AEBP2: variants seen among roughly 807,000 people sequenced by gnomAD.
AEBP2 encodes AE binding protein 2, also known as zinc finger protein AEBP2.
Under a neutral mutation model 50.8 loss-of-function variants are expected in AEBP2, and 10 were observed. That is an observed-to-expected ratio of 0.20 (90% CI 0.12 to 0.33). The LOEUF is 0.33. AEBP2 is among the 10% of genes least tolerant of loss of function. AEBP2 has a pLI of 1.00. For synonymous variants in AEBP2, 296 were observed against 261.3 expected, an observed-to-expected ratio of 1.13 and a Z score of -1.28; for missense variants, 570 against 688.0, an observed-to-expected ratio of 0.83 and a Z score of 1.92.
chr12:19,406,389 A>G (rs2095736283), intron 1 of AEBP2, among the ~76,000 whole-genome samples: 1 of 152,170 alleles, frequency 6.6e-6, no homozygotes, highest in African/African-American at 2.4e-5. Flanking sequence ...TATCATACAA[A>G]ATAGTTTAAC....
intron 1 of AEBP2, among the ~76,000 whole-genome samples, chr12:19,410,011 A>T (rs1469966180): frequency 6.6e-6 from 1 of 152,134 alleles, no homozygotes; most frequent in African/African-American, 2.4e-5. Context: ...CCTGATTTCA[A>T]CCCATAGCTT....
intron 7 of AEBP2, among the ~76,000 whole-genome samples, chr12:19,517,001 C>T (rs1476882005): frequency 6.6e-6 from 1 of 152,128 alleles, no homozygotes; most frequent in Non-Finnish European, 1.5e-5. Flanking sequence ...ACTCCAGCCT[C>T]AGCTACAGAG....
intron 1 of AEBP2, among the ~76,000 whole-genome samples, chr12:19,404,887 A>T (rs2095735356): frequency 1.3e-5 from 2 of 149,830 alleles, no homozygotes; most frequent in African/African-American, 4.9e-5. Flanking sequence ...TTTAGTTTCT[A>T]TAGGGAACCA....
At chr12:19,408,983 G>A (rs200226385) in intron 1 of AEBP2, among the ~76,000 whole-genome samples, 16 of 151,524 alleles carry the variant, frequency 1.1e-4, no homozygotes, top group East Asian at 3.9e-4. Context: ...TTTCTTTTCC[G>A]GAAGATATAT....
chr12:19,476,031 TTA>T (rs1216787889), intron 3 of AEBP2, among the ~76,000 whole-genome samples: 1 of 152,188 alleles, frequency 6.6e-6, no homozygotes, highest in Non-Finnish European at 1.5e-5. Flanking sequence ...AATCTGCTGA[TTA>T]TTTCTTTTTA....
intron 1 of AEBP2, among the ~76,000 whole-genome samples, chr12:19,452,039 C>T (rs1296605304): frequency 6.6e-6 from 1 of 152,088 alleles, no homozygotes; most frequent in African/African-American, 2.4e-5. Context: ...TACAGGCATG[C>T]GCCCCCACAC....
chr12:19,440,575 C>T, intron 1 of AEBP2: 2 of 1,425,686 alleles, frequency 1.4e-6, no homozygotes, highest in Non-Finnish European at 9.2e-7. Flanking sequence ...CAAACCGTTC[C>T]CCCCCAACTC....
In AEBP2 at chr12:19,439,715, A is replaced by C; in HGVS notation, c.16A>C (p.Thr6Pro). 6.6e-7 allele frequency: 1 copy of C among 1,515,304 alleles called. No homozygotes were observed. The highest frequency in any genetic ancestry group is 1.9e-4 in the Middle Eastern group (1 of 5,348). The allele number at this position is 1,515,304 out of a possible 1,614,324, so 93.9% of individuals were successfully genotyped here. A position where few individuals can be genotyped will look rare whatever the true frequency, so the allele number is the denominator to read the frequency against. Residue 6 changes from threonine to proline, a missense_variant, in exon 1 of 8, where the codon ACC (threonine) becomes CCC (proline). Transcript: ENST00000266508. The stretch of plus-strand genomic sequence containing the variant: ...AGGCGCCGCCATGGCCGCCGCTATC[A>C]CCGACATGGCCGACCTGGAGGAGCT... The part of the protein sequence containing the change: MAAAI[T>P]DMADLEELSR...
At chr12:19,428,925 G>A (rs899115172) in intron 1 of AEBP2, among the ~76,000 whole-genome samples, 1 of 152,052 alleles carries the variant, frequency 6.6e-6, no homozygotes, top group African/African-American at 2.4e-5. Context: ...GACTGCTTGA[G>A]CCCAGGAGTT....
chr12:19,476,098 T>A (rs1385592526), intron 3 of AEBP2, among the ~76,000 whole-genome samples: 9 of 152,206 alleles, frequency 5.9e-5, no homozygotes, highest in Admixed American at 5.9e-4. Context: ...TTGTTCTTAT[T>A]GCATTTGCTT....
chr12:19,417,793 G>A (rs576389911), intron 1 of AEBP2, among the ~76,000 whole-genome samples: 1 of 150,036 alleles, frequency 6.7e-6, no homozygotes, highest in African/African-American at 2.5e-5. Context: ...CAATTTCCAC[G>A]TCCTGGGTTC....
At chr12:19,456,069 A>G (rs1181446916) in intron 1 of AEBP2, among the ~76,000 whole-genome samples, 1 of 152,194 alleles carries the variant, frequency 6.6e-6, no homozygotes, top group Non-Finnish European at 1.5e-5. Flanking sequence ...GCCACGCGCA[A>G]AAAAGAAAAC....
At position 19,512,529 on chromosome 12, in the gene AEBP2, ACAC is replaced by A. The variant is rs1250360672; in HGVS notation, c.1367+65_1367+67del. 2.2e-4 allele frequency: 224 copies of A among 1,023,008 alleles called. 1 individual carries two copies. The African/African-American group carries it at 3.3e-3, about 15-fold the overall frequency. The allele number at this position is 1,023,008 out of a possible 1,614,324, so 63.4% of individuals were successfully genotyped here. ...TGTTTTATTTTTGTTAAAATCTTAC[ACAC>A]AAAAATTATTTATTAAATTCAAATA... On this transcript the variant is annotated intron_variant, in intron 6 of 7. Coordinates refer to ENST00000266508, the MANE Select transcript of AEBP2 (RefSeq NM_153207.5).
intron 5 of AEBP2, among the ~76,000 whole-genome samples, chr12:19,512,032 G>GT (rs917418000): frequency 8.7e-4 from 128 of 147,472 alleles, no homozygotes; most frequent in East Asian, 1.2e-3. Context: ...AGGGGTGAAA[G>GT]TTTTTTTTTT....
At chr12:19,465,710 T>G (rs950012132) in intron 2 of AEBP2, among the ~76,000 whole-genome samples, 5 of 152,018 alleles carry the variant, frequency 3.3e-5, no homozygotes, top group Non-Finnish European at 5.9e-5. Flanking sequence ...AATGAGAGTT[T>G]GGAAACTTAG....
chr12:19,478,815 C>T (rs1376913420), intron 3 of AEBP2, among the ~76,000 whole-genome samples: 1 of 152,068 alleles, frequency 6.6e-6, no homozygotes, highest in Non-Finnish European at 1.5e-5. Flanking sequence ...TTTCATTCCA[C>T]TGTGGTCTGA....
chr12:19,429,994 G>T (rs1239868382), intron 1 of AEBP2, among the ~76,000 whole-genome samples: 1 of 152,114 alleles, frequency 6.6e-6, no homozygotes, highest in Non-Finnish European at 1.5e-5. Flanking sequence ...GATCCCATTT[G>T]TCAATTTTGG....
intron 5 of AEBP2, among the ~76,000 whole-genome samples, chr12:19,510,583 T>C (rs1949219140): frequency 6.6e-6 from 1 of 152,210 alleles, no homozygotes; most frequent in Non-Finnish European, 1.5e-5. Context: ...TTAAACATTT[T>C]TGCTGAATAT....
At chr12:19,483,095 A>G (rs1041086624) in intron 3 of AEBP2, among the ~76,000 whole-genome samples, 1 of 152,100 alleles carries the variant, frequency 6.6e-6, no homozygotes, top group African/African-American at 2.4e-5. Flanking sequence ...TGCTCAAGAA[A>G]ATCCATGTCC....
Sources: gnomAD v4.1 joint callset for allele counts (sites outside exome capture counted in the v4.1 genomes callset) on GRCh38, gnomAD v4.1.1 for gene constraint, MANE v1.5 for transcripts, NCBI Gene and HGNC (gene_info 2026-07-23, HGNC 2026-07-21) for gene names.